The following PDE1A variants were observed in gnomAD, a reference collection of about 807,000 sequenced individuals.
PDE1A encodes the protein phosphodiesterase 1A.
In PDE1A, 35 loss-of-function variants were observed where a neutral mutation model predicts 61.7. That is an observed-to-expected ratio of 0.57 (90% CI 0.43 to 0.75). PDE1A has a LOEUF of 0.75. Ranked by LOEUF, PDE1A falls within the 30% of genes least tolerant of loss-of-function variation. The probability of loss-of-function intolerance (pLI) is 0.00; values close to 1 mark genes in which losing one functional copy is unlikely to be tolerated. For missense variants in PDE1A, 597 were observed against 630.6 expected (o/e 0.95, Z 0.57); for synonymous variants, 232 against 213.2 (o/e 1.09, Z -0.77).
At chr2:182,512,992 G>C (rs1368991729) in intron 2 of PDE1A, among the ~76,000 whole-genome samples, 5 of 152,206 alleles carry the variant, frequency 3.3e-5, no homozygotes, top group African/African-American at 1.2e-4. Context: ...CCCTGAAAGA[G>C]AGGGAGAGAG....
upstream of PDE1A, among the ~76,000 whole-genome samples, chr2:182,524,275 A>T (rs1228261541): frequency 6.6e-6 from 1 of 152,342 alleles, no homozygotes. Context: ...AAATCTCCAT[A>T]GATAGCAAGT....
chr2:182,460,460 A>C (rs1686207355), intron 2 of PDE1A, among the ~76,000 whole-genome samples: 1 of 152,136 alleles, frequency 6.6e-6, no homozygotes, highest in Non-Finnish European at 1.5e-5. Flanking sequence ...GCTTGCCTCT[A>C]ACTCCTGGGC....
intron 2 of PDE1A, among the ~76,000 whole-genome samples, chr2:182,254,757 T>G (rs925308561): frequency 3.7e-4 from 57 of 152,156 alleles, no homozygotes; most frequent in Non-Finnish European, 1.0e-4. Context: ...CAAACCCCGA[T>G]CCAGGTCCCC....
At chr2:182,200,616 T>A (rs1686541586) in intron 10 of PDE1A, among the ~76,000 whole-genome samples, 1 of 152,210 alleles carries the variant, frequency 6.6e-6, no homozygotes, top group Non-Finnish European at 1.5e-5. Flanking sequence ...TTGTATTCTT[T>A]ATAATAAAAT....
intron 2 of PDE1A, among the ~76,000 whole-genome samples, chr2:182,432,203 C>T (rs542812218): frequency 6.6e-6 from 1 of 152,170 alleles, no homozygotes; most frequent in Non-Finnish European, 1.5e-5. Flanking sequence ...CTCTAAAATT[C>T]TGTGCCTCTC....
intron 2 of PDE1A, among the ~76,000 whole-genome samples, chr2:182,511,745 C>T (rs1689808969): frequency 6.6e-6 from 1 of 152,148 alleles, no homozygotes; most frequent in African/African-American, 2.4e-5. Context: ...GCCAGCCTCT[C>T]CCCAGAGTCC....
chr2:182,632,281 G>A, the PDE1A span, among the ~76,000 whole-genome samples: 2 of 152,116 alleles, frequency 1.3e-5, no homozygotes, highest in African/African-American at 4.8e-5. Flanking sequence ...ATATTTTAAT[G>A]AGTGTATTTT....
rs189439335 is a variant in PDE1A, at chr2:182,241,508, C to T, written c.168-1216G>A. ...CAGGGACAAAACAAAGGACAAAAAA[C>T]AGGAGGTCTCCACAAAGAACTCAAT... On this transcript the variant is annotated intron_variant, in intron 2 of 13. Transcript: ENST00000351439. 2.6e-3 allele frequency among the ~76,000 whole-genome samples: 392 copies of T among 152,296 alleles called. 1 individual carries two copies. Among genetic ancestry groups the T allele is most frequent in the African/African-American group, 9.1e-3 (380 of 41,560 alleles).
chr2:182,451,400 T>A lies in PDE1A; in HGVS notation c.101+70876A>T, dbSNP rs965469680. On this transcript the variant is annotated intron_variant, in intron 2 of 14. Transcript: ENST00000410103. ...TCTCAAAAAAAAAAAAAAAAAAAAA[T>A]ATTTTAACTATACAAATGCATAAAG... 6.1e-4 allele frequency among the ~76,000 whole-genome samples: 89 copies of A among 144,904 alleles called. 7 individuals are homozygous for A. Among genetic ancestry groups the A allele is most frequent in the Middle Eastern group, 3.6e-3 (1 of 274 alleles).
the PDE1A span, among the ~76,000 whole-genome samples, chr2:182,531,892 G>A: frequency 2.6e-5 from 4 of 152,040 alleles, 1 homozygote; most frequent in East Asian, 3.9e-4. Context: ...AATGTTCCCC[G>A]CCCTGTGTCC....
chr2:182,591,574 G>GT, the PDE1A span, among the ~76,000 whole-genome samples: 12,505 of 152,186 alleles, frequency 0.082, 1,643 homozygotes, highest in African/African-American at 0.29. Context: ...TCTGGGTTGT[G>GT]TAATTCTTCA....
chr2:182,621,934 T>A, the PDE1A span, among the ~76,000 whole-genome samples: 1 of 152,164 alleles, frequency 6.6e-6, no homozygotes, highest in Non-Finnish European at 1.5e-5. Flanking sequence ...GGAAATAGCC[T>A]CAAGAGAGAA....
intron 13 of PDE1A, among the ~76,000 whole-genome samples, chr2:182,154,651 T>A (rs895127366): frequency 6.6e-6 from 1 of 152,190 alleles, no homozygotes; most frequent in Non-Finnish European, 1.5e-5. Flanking sequence ...GCCACACCTT[T>A]GCTTCTCCTT....
At chr2:182,569,382 T>G in the PDE1A span, among the ~76,000 whole-genome samples, 1 of 152,056 alleles carries the variant, frequency 6.6e-6, no homozygotes, top group East Asian at 1.9e-4. Context: ...TCTAGCTAAA[T>G]GGTTTTATAA....
the PDE1A span, among the ~76,000 whole-genome samples, chr2:182,655,107 C>T: frequency 6.6e-6 from 1 of 152,188 alleles, no homozygotes; most frequent in East Asian, 1.9e-4. Context: ...TACAGAGCTT[C>T]TCGAAGATGC....
the PDE1A span, among the ~76,000 whole-genome samples, chr2:182,633,235 G>A: frequency 5.3e-5 from 8 of 152,274 alleles, no homozygotes; most frequent in East Asian, 1.5e-3. Flanking sequence ...ATATGACAAC[G>A]ATTGCATGGA....
At chr2:182,199,620 A>C (rs1024412598) in intron 10 of PDE1A, among the ~76,000 whole-genome samples, 3 of 152,124 alleles carry the variant, frequency 2.0e-5, no homozygotes, top group Non-Finnish European at 4.4e-5. Flanking sequence ...ATACAGAAAG[A>C]TCTCTGGTTG....
At chr2:182,270,329 C>T (rs1467377376) in intron 1 of PDE1A, among the ~76,000 whole-genome samples, 1 of 152,232 alleles carries the variant, frequency 6.6e-6, no homozygotes, top group Admixed American at 6.5e-5. Context: ...AGAACTGCTA[C>T]ATTCCAAATG....
the PDE1A span, among the ~76,000 whole-genome samples, chr2:182,651,417 C>A: frequency 1.3e-5 from 2 of 152,212 alleles, no homozygotes; most frequent in South Asian, 4.1e-4. Context: ...AAAAATGTAT[C>A]TCTTTACAAA....
Sources: gnomAD v4.1 joint callset for allele counts (sites outside exome capture counted in the v4.1 genomes callset) on GRCh38, gnomAD v4.1.1 for gene constraint, MANE v1.5 for transcripts, NCBI Gene and HGNC (gene_info 2026-07-23, HGNC 2026-07-21) for gene names.